KATNIP: variants seen among roughly 807,000 people sequenced by gnomAD.
The protein encoded by KATNIP is katanin-interacting protein.
Under a neutral mutation model 174.0 loss-of-function variants are expected in KATNIP, and 126 were observed. The ratio of observed to expected loss-of-function variants is 0.72; its 90% CI spans 0.63 to 0.84. The LOEUF is 0.84. Ranked by LOEUF, KATNIP falls within the 40% of genes least tolerant of loss-of-function variation. KATNIP has a pLI of 0.00. For missense variants in KATNIP, 1,958 were observed against 2,109.7 expected (o/e 0.93, Z 1.41); for synonymous variants, 810 against 835.7 (o/e 0.97, Z 0.53).
At chr16:27,733,841 T>C (rs143583715) in intron 14 of KATNIP, among the ~76,000 whole-genome samples, 58 of 152,172 alleles carry the variant, frequency 3.8e-4, no homozygotes, top group African/African-American at 1.3e-3. Flanking sequence ...CGCAGAGGAA[T>C]CCAGACTCGC....
chr16:27,614,451 GTGCCTGGCCACACCC>G (rs2075984819), intron 2 of KATNIP, among the ~76,000 whole-genome samples: 1 of 152,036 alleles, frequency 6.6e-6, no homozygotes, highest in South Asian at 2.1e-4. Context: ...GTCAGCCACC[GTGCCTGGCCACACCC>G]TGCTATTTTT....
chr16:27,603,576 C>T (rs1430861647), intron 2 of KATNIP, among the ~76,000 whole-genome samples: 1 of 152,132 alleles, frequency 6.6e-6, no homozygotes, highest in South Asian at 2.1e-4. Context: ...GAGGGAGCCC[C>T]TCCCCTTCCT....
At chr16:27,607,577 C>T (rs938521090) in intron 2 of KATNIP, among the ~76,000 whole-genome samples, 3 of 149,534 alleles carry the variant, frequency 2.0e-5, no homozygotes, top group Non-Finnish European at 4.4e-5. Flanking sequence ...AGCTCTGTGA[C>T]CCTAGACAGT....
In KATNIP at chr16:27,661,082, G is replaced by A. The variant is rs539583220; in HGVS notation, c.540+12347G>A. ...ATCACATCACTGAGTTATGATTACA[G>A]TGAGTGTTTTCCAAACTGTGAATCA... On this transcript the variant is annotated intron_variant, in intron 6 of 27. Coordinates refer to ENST00000261588, the MANE Select transcript of KATNIP (RefSeq NM_015202.5). 2.6e-5 allele frequency among the ~76,000 whole-genome samples: 4 copies of A among 152,334 alleles called. No homozygotes were observed. The South Asian group carries it at 8.3e-4, about 32-fold the overall frequency.
intron 6 of KATNIP, among the ~76,000 whole-genome samples, chr16:27,665,003 G>C: frequency 6.6e-6 from 1 of 152,162 alleles, no homozygotes; most frequent in East Asian, 1.9e-4. Flanking sequence ...AGGCTCACCC[G>C]TAGGCTGAAG....
intron 5 of KATNIP, 23 bp from the exon 6 acceptor site, chr16:27,648,581 A>T: frequency 6.2e-7 from 1 of 1,613,830 alleles, no homozygotes; most frequent in Non-Finnish European, 8.5e-7. Flanking sequence ...ACCTTATCTG[A>T]AATGGCCTGC....
rs936962109 is a variant in KATNIP, at chr16:27,672,052, G to A, written c.541-5677G>A. ...GCCTGGGCAACAAGAGCAAAAATCC[G>A]TCTCAAAAAAATAAATTAATAAAAA... is the stretch of plus-strand genomic sequence containing the variant. On this transcript the variant is annotated intron_variant, in intron 6 of 27. Coordinates refer to ENST00000261588, the MANE Select transcript of KATNIP (RefSeq NM_015202.5). Among the ~76,000 whole-genome samples the A allele has an allele frequency of 1.6e-3, 236 of 151,972 alleles. 1 individual carries two copies. Among genetic ancestry groups the A allele is most frequent in the Non-Finnish European group, 2.4e-3 (161 of 67,990 alleles).
chr16:27,691,135 G>A (rs188361285), intron 8 of KATNIP, among the ~76,000 whole-genome samples: 1 of 152,288 alleles, frequency 6.6e-6, no homozygotes, highest in African/African-American at 2.4e-5. Context: ...CTTGCATGTA[G>A]AAAGGGGTAA....
At chr16:27,550,327 T>C in intron 1 of KATNIP, 150 bp downstream of exon 1, 1 of 888,846 alleles carries the variant, frequency 1.1e-6, no homozygotes, top group South Asian at 1.7e-5. Context: ...GGAGGCTTAG[T>C]GGTCTGGAAC....
At chr16:27,678,847 A>G (rs1017575) in intron 7 of KATNIP, 26,549 of 152,340 alleles carry the variant, frequency 0.17, 2,574 homozygotes, top group African/African-American at 0.26. Context: ...CAATGGAGGA[A>G]GTTTGTCAAG....
chr16:27,729,097 A>G (rs1384411217), intron 14 of KATNIP, among the ~76,000 whole-genome samples: 1 of 152,218 alleles, frequency 6.6e-6, no homozygotes, highest in Non-Finnish European at 1.5e-5. Flanking sequence ...CAGAAAACCC[A>G]ATTAAAACTG....
chr16:27,687,606 C>G (rs2078570288), intron 8 of KATNIP: 1 of 152,194 alleles, frequency 6.6e-6, no homozygotes, highest in African/African-American at 2.4e-5. Context: ...CAACCTCAAT[C>G]CGTAAGCCTT....
At chr16:27,550,376 ATTCTGCTCGGC>A (rs2089296669) in intron 1 of KATNIP, among the ~76,000 whole-genome samples, 199 bp downstream of exon 1, 1 of 152,140 alleles carries the variant, frequency 6.6e-6, no homozygotes. Context: ...TGCTGTGACC[ATTCTGCTCGGC>A]TGTGGTCGTG....
At chr16:27,741,004 A>C in intron 15 of KATNIP, 84 bp downstream of exon 15, 2 of 1,333,458 alleles carry the variant, frequency 1.5e-6, no homozygotes, top group Non-Finnish European at 2.0e-6. Flanking sequence ...CCTGGACCTC[A>C]GTTTCCTTAT....
rs1597146419 is a variant in KATNIP, at chr16:27,678,079, G to C, written c.808+83G>C. On this transcript the variant is annotated intron_variant, in intron 7 of 27. Coordinates refer to ENST00000261588, the MANE Select transcript of KATNIP (RefSeq NM_015202.5). ...GGACTTAAACTTCCAGTGGTCCTTTGAGTTCCTCTTTGGGTAGAGTGTCTC... is the reference window on the plus strand; with the variant it reads ...GGACTTAAACTTCCAGTGGTCCTTTCAGTTCCTCTTTGGGTAGAGTGTCTC... 3.4e-6 allele frequency: 5 copies of C among 1,491,758 alleles called. No homozygotes were observed. The East Asian group carries it at 1.1e-4, about 34-fold the overall frequency. 92.4% of individuals were successfully genotyped at this position (1,491,758 alleles called of 1,614,324 possible).
chr16:27,628,213 A>G (rs1280019365), intron 3 of KATNIP, among the ~76,000 whole-genome samples: 1 of 152,176 alleles, frequency 6.6e-6, no homozygotes, highest in Non-Finnish European at 1.5e-5. Context: ...GTGGTATGAA[A>G]TCTCTCTCAC....
chr16:27,685,924 C>T (rs1390904293), intron 8 of KATNIP, among the ~76,000 whole-genome samples: 1 of 152,140 alleles, frequency 6.6e-6, no homozygotes, highest in Non-Finnish European at 1.5e-5. Context: ...TGATTAAGTG[C>T]AGCATGTATT....
At chr16:27,763,991 C>CTG (rs1396143908) in intron 19 of KATNIP, among the ~76,000 whole-genome samples, 1 of 152,162 alleles carries the variant, frequency 6.6e-6, no homozygotes, top group Non-Finnish European at 1.5e-5. Flanking sequence ...CAAGATGGCC[C>CTG]TGGGGACATA....
intron 2 of KATNIP, among the ~76,000 whole-genome samples, chr16:27,602,702 T>C (rs2075568898): frequency 6.6e-6 from 1 of 151,760 alleles, no homozygotes; most frequent in Non-Finnish European, 1.5e-5. Flanking sequence ...TTTCCTCTTC[T>C]TCTTCTTTTT....
Sources: allele counts gnomAD v4.1 joint callset (sites outside exome capture counted in the v4.1 genomes callset), GRCh38; gene constraint gnomAD v4.1.1; transcripts MANE v1.5; gene names NCBI Gene and HGNC (gene_info 2026-07-23, HGNC 2026-07-21).